Variants in SPIRE1 observed in about 807,000 individuals in gnomAD.
SPIRE1 encodes spire type actin nucleation factor 1, also known as protein spire homolog 1.
A neutral mutation model predicts 94.1 loss-of-function variants in SPIRE1; 40 were observed. The ratio of observed to expected loss-of-function variants is 0.43; its 90% CI spans 0.33 to 0.55. SPIRE1 has a LOEUF of 0.55. SPIRE1 is among the 20% of genes least tolerant of loss of function. The pLI is 0.06. For missense variants in SPIRE1, 838 were observed against 975.2 expected (o/e 0.86, Z 1.87); for synonymous variants, 376 against 371.7 (o/e 1.01, Z -0.13).
At chr18:12,484,668 GT>G (rs2032969366) in intron 9 of SPIRE1, among the ~76,000 whole-genome samples, 1 of 152,156 alleles carries the variant, frequency 6.6e-6, no homozygotes, top group Non-Finnish European at 1.5e-5. Flanking sequence ...GAAAATATTT[GT>G]GCCAACATCT....
chr18:12,492,276 C>T (rs1191882054), intron 8 of SPIRE1, among the ~76,000 whole-genome samples: 1 of 152,154 alleles, frequency 6.6e-6, no homozygotes, highest in East Asian at 1.9e-4. Flanking sequence ...AAAACCAGAT[C>T]CTTTCCTGTT....
At position 12,646,177 on chromosome 18, in the gene SPIRE1, C is replaced by G. The variant is rs139507143; in HGVS notation, c.338-11081G>C. Among the ~76,000 whole-genome samples the G allele has an allele frequency of 1.3e-3, 205 of 152,276 alleles. 1 individual carries two copies. Among genetic ancestry groups the G allele is most frequent in the African/African-American group, 4.8e-3 (199 of 41,560 alleles). ...TCCTCCACATCTCCAAGCCTTTCCA[C>G]TTGCTGCTGCTGCTGCTGCCTCACA... On this transcript the variant is annotated intron_variant, in intron 1 of 16. Transcript: ENST00000409402.
At chr18:12,467,430 T>A (rs1160905955) in intron 10 of SPIRE1, among the ~76,000 whole-genome samples, 1 of 152,176 alleles carries the variant, frequency 6.6e-6, no homozygotes, top group Non-Finnish European at 1.5e-5. Context: ...AAACCTAGCA[T>A]GCAATTAGAA....
chr18:12,462,215 A>G (rs1169584058), intron 12 of SPIRE1, among the ~76,000 whole-genome samples: 1 of 152,212 alleles, frequency 6.6e-6, no homozygotes, highest in Non-Finnish European at 1.5e-5. Flanking sequence ...TTAACATTCT[A>G]AGCTCTGTTC....
chr18:12,486,265 G>A (rs2033036404), intron 8 of SPIRE1, among the ~76,000 whole-genome samples: 1 of 152,130 alleles, frequency 6.6e-6, no homozygotes, highest in Non-Finnish European at 1.5e-5. Context: ...ATGAAAGCAT[G>A]ATAAAAATAC....
At chr18:12,635,225 C>A in intron 1 of SPIRE1, 129 bp from the exon 2 acceptor site, 3 of 514,704 alleles carry the variant, frequency 5.8e-6, no homozygotes, top group Non-Finnish European at 6.9e-6. Context: ...ATGAAAGATG[C>A]TAGAATGACC....
At chr18:12,586,009 G>A (rs903718862) in intron 2 of SPIRE1, among the ~76,000 whole-genome samples, 10 of 152,186 alleles carry the variant, frequency 6.6e-5, no homozygotes, top group Non-Finnish European at 1.5e-5. Context: ...GGAGTGCAGT[G>A]GCACAATCAT....
At chr18:12,556,672 T>C (rs2035517187) in intron 2 of SPIRE1, among the ~76,000 whole-genome samples, 1 of 152,120 alleles carries the variant, frequency 6.6e-6, no homozygotes, top group African/African-American at 2.4e-5. Flanking sequence ...GAGTTGTTCA[T>C]TCCTCCCCTC....
intron 2 of SPIRE1, among the ~76,000 whole-genome samples, chr18:12,607,414 G>C (rs919951202): frequency 2.2e-4 from 34 of 152,146 alleles, no homozygotes; most frequent in Non-Finnish European, 4.3e-4. Context: ...GTTGCTGCCA[G>C]GCTCCTAAGG....
intron 2 of SPIRE1, among the ~76,000 whole-genome samples, chr18:12,556,864 C>T (rs757261789): frequency 1.3e-5 from 2 of 152,160 alleles, no homozygotes; most frequent in African/African-American, 2.4e-5. Context: ...GGGACCCCAG[C>T]GGGTTGCCAC....
chr18:12,490,647 T>C (rs761531531), intron 8 of SPIRE1, among the ~76,000 whole-genome samples: 1 of 152,042 alleles, frequency 6.6e-6, no homozygotes, highest in Non-Finnish European at 1.5e-5. Context: ...TGAAAATCAA[T>C]TAACATGATA....
At chr18:12,452,232 G>A (rs1340166863) in intron 16 of SPIRE1, 23 bp downstream of exon 16, 2 of 1,612,858 alleles carry the variant, frequency 1.2e-6, no homozygotes, top group Admixed American at 3.3e-5. Context: ...AGGATGGTTT[G>A]ACAACCCAGG....
intron 2 of SPIRE1, among the ~76,000 whole-genome samples, chr18:12,626,856 G>A (rs79135776): frequency 0.01 from 1,359 of 130,618 alleles, 29 homozygotes; most frequent in African/African-American, 0.037. Context: ...TTGGAATATA[G>A]TAAGCTGTAA....
chr18:12,630,214 A>C (rs2037738242), intron 2 of SPIRE1, among the ~76,000 whole-genome samples: 1 of 152,226 alleles, frequency 6.6e-6, no homozygotes, highest in African/African-American at 2.4e-5. Flanking sequence ...AAAACCCCAG[A>C]GAGATAAAGA....
intron 1 of SPIRE1, among the ~76,000 whole-genome samples, chr18:12,642,835 T>C (rs1198697233): frequency 6.6e-6 from 1 of 152,070 alleles, no homozygotes; most frequent in African/African-American, 2.4e-5. Context: ...AAAACCTAGA[T>C]CACGGGTTGA....
At chr18:12,587,000 A>C (rs1400361006) in intron 2 of SPIRE1, among the ~76,000 whole-genome samples, 2 of 152,252 alleles carry the variant, frequency 1.3e-5, no homozygotes, top group Admixed American at 1.3e-4. Flanking sequence ...ACCTGTGCCA[A>C]GCACTTCACT....
chr18:12,658,031 G>A lies in SPIRE1; in HGVS notation c.-165C>T, dbSNP rs1004175943. The A allele has an allele frequency of 1.9e-5, 19 of 992,722 alleles. No individual in the cohort carries two copies. The highest frequency in any genetic ancestry group is 2.2e-5 in the Non-Finnish European group (18 of 836,022). The allele number at this position is 992,722 out of a possible 1,614,324, so 61.5% of individuals were successfully genotyped here. A position where few individuals can be genotyped will look rare whatever the true frequency, so the allele number is the denominator to read the frequency against. On this transcript the variant is annotated 5_prime_UTR_variant, in exon 1 of 17. Coordinates refer to ENST00000409402, the MANE Select transcript of SPIRE1 (RefSeq NM_001128626.2). ...ACCAGGCGAGTGCCCGGGAGGCGTG[G>A]GCAAGAGGAGGGCGGCGAGGACACG...
chr18:12,472,023 G>C (rs1347615685), intron 10 of SPIRE1, among the ~76,000 whole-genome samples: 1 of 152,144 alleles, frequency 6.6e-6, no homozygotes, highest in Non-Finnish European at 1.5e-5. Flanking sequence ...GACCTCAAGT[G>C]ATCTGCCCAC....
At chr18:12,590,047 G>A (rs2036488105) in intron 2 of SPIRE1, among the ~76,000 whole-genome samples, 1 of 30,538 alleles carries the variant, frequency 3.3e-5, no homozygotes. Context: ...TTTTTCCTAT[G>A]CAGTAACTGA....
Sources: gnomAD v4.1 joint callset for allele counts (sites outside exome capture counted in the v4.1 genomes callset) on GRCh38, gnomAD v4.1.1 for gene constraint, MANE v1.5 for transcripts, NCBI Gene and HGNC (gene_info 2026-07-23, HGNC 2026-07-21) for gene names.